DRC9: variants seen among roughly 807,000 people sequenced by gnomAD.
DRC9 encodes the protein dynein regulatory complex subunit 9.
the DRC9 span, among the ~76,000 whole-genome samples, chr3:197,937,481 T>C: frequency 2.6e-5 from 4 of 151,972 alleles, no homozygotes; most frequent in South Asian, 6.2e-4. Context: ...TTTTTTTTTT[T>C]CAAGACAGAG....
chr3:197,920,047 A>AC, the DRC9 span, among the ~76,000 whole-genome samples: 1 of 151,210 alleles, frequency 6.6e-6, no homozygotes. Context: ...TAAAAAAAAA[A>AC]AAAATACAAA....
the DRC9 span, among the ~76,000 whole-genome samples, chr3:197,930,265 T>A: frequency 6.6e-6 from 1 of 151,820 alleles, no homozygotes; most frequent in Non-Finnish European, 1.5e-5. Context: ...GGAGGATTGC[T>A]TGAGCCCAGG....
chr3:197,955,946 TAC>T, the DRC9 span: 1 of 633,746 alleles, frequency 1.6e-6, no homozygotes, highest in Non-Finnish European at 2.8e-6. Flanking sequence ...ACAGGGCGAG[TAC>T]AGAGATTTAG....
chr3:197,892,025 A>G, the DRC9 span, among the ~76,000 whole-genome samples: 1 of 152,090 alleles, frequency 6.6e-6, no homozygotes, highest in Admixed American at 6.6e-5. Flanking sequence ...GAATAGCTGG[A>G]ATTACAGCCA....
chr3:197,955,811 T>C, the DRC9 span: 46 of 1,535,180 alleles, frequency 3.0e-5, no homozygotes, highest in Non-Finnish European at 4.1e-5. Flanking sequence ...GGATTTGTGC[T>C]CTTGTATTTT....
chr3:197,921,275 T>C, the DRC9 span, among the ~76,000 whole-genome samples: 1 of 130,042 alleles, frequency 7.7e-6, no homozygotes, highest in Non-Finnish European at 1.5e-5. Flanking sequence ...TTAACCTGAT[T>C]TCGTCTTGGT....
the DRC9 span, chr3:197,943,699 C>T: frequency 1.7e-6 from 2 of 1,189,422 alleles, no homozygotes; most frequent in East Asian, 2.4e-5. Context: ...AAAATAAGTA[C>T]ATTTAATGGG....
chr3:197,929,755 A>G, the DRC9 span, among the ~76,000 whole-genome samples: 89 of 152,232 alleles, frequency 5.8e-4, no homozygotes, highest in African/African-American at 2.0e-3. The surrounding 1 kb of genome is among the most constrained non-coding windows in gnomAD (Gnocchi z 4.6). Flanking sequence ...TGGGTGACAG[A>G]GTAACATTTG....
chr3:197,947,450 T>C, the DRC9 span, among the ~76,000 whole-genome samples: 27 of 152,184 alleles, frequency 1.8e-4, no homozygotes, highest in Admixed American at 6.5e-5. Flanking sequence ...TAGACCCAAC[T>C]ACAACTGCAC....
chr3:197,906,281 C>T, the DRC9 span: 1 of 152,102 alleles, frequency 6.6e-6, no homozygotes, highest in Admixed American at 6.6e-5. Context: ...ACTGAGACCG[C>T]GCAGGAGGAT....
At chr3:197,948,332 C>T in the DRC9 span, among the ~76,000 whole-genome samples, 3 of 152,318 alleles carry the variant, frequency 2.0e-5, no homozygotes, top group South Asian at 2.1e-4. Context: ...GTGATCCTTT[C>T]GCTGACTCGT....
chr3:197,927,774 G>A, the DRC9 span, among the ~76,000 whole-genome samples: 1 of 152,134 alleles, frequency 6.6e-6, no homozygotes, highest in African/African-American at 2.4e-5. Flanking sequence ...ATACTATGCA[G>A]CCATAAAAAA....
chr3:197,907,442 A>G, the DRC9 span, among the ~76,000 whole-genome samples: 3 of 152,058 alleles, frequency 2.0e-5, no homozygotes, highest in African/African-American at 7.2e-5. Flanking sequence ...TGAAATCCAG[A>G]CTCTCTGGTA....
At chr3:197,910,445 A>C in the DRC9 span, among the ~76,000 whole-genome samples, 20 of 152,218 alleles carry the variant, frequency 1.3e-4, no homozygotes, top group Admixed American at 1.3e-3. Flanking sequence ...GGTATCTCAC[A>C]CTTGAAACAG....
At chr3:197,912,539 G>A in the DRC9 span, 3 of 705,314 alleles carry the variant, frequency 4.3e-6, no homozygotes, top group Non-Finnish European at 7.5e-6. Flanking sequence ...GCATAACCCT[G>A]AAAGAAAACA....
At chr3:197,938,879 TTCTAC>T in the DRC9 span, 1 of 854,722 alleles carries the variant, frequency 1.2e-6, no homozygotes, top group Non-Finnish European at 1.9e-6. Context: ...CTTCTCTGAC[TTCTAC>T]TCTATACTCC....
the DRC9 span, among the ~76,000 whole-genome samples, chr3:197,933,025 A>ATGT: frequency 7.1e-6 from 1 of 141,536 alleles, no homozygotes. Context: ...ATTAATATAA[A>ATGT]ATATTATATA....
At chr3:197,912,955 A>G in the DRC9 span, 3 of 568,008 alleles carry the variant, frequency 5.3e-6, no homozygotes, top group Admixed American at 9.3e-5. Flanking sequence ...CCCTAACGAG[A>G]CGAGCACAAT....
the DRC9 span, among the ~76,000 whole-genome samples, chr3:197,918,117 G>C: frequency 8.3e-6 from 1 of 120,180 alleles, no homozygotes; most frequent in Non-Finnish European, 1.7e-5. Context: ...TTTTTTTTGA[G>C]ACAAGATCTC....
Sources: allele counts gnomAD v4.1 joint callset (sites outside exome capture counted in the v4.1 genomes callset), GRCh38; gene constraint gnomAD v4.1.1; non-coding constraint Gnocchi (gnomAD v3.1); transcripts MANE v1.5; gene names NCBI Gene and HGNC (gene_info 2026-07-23, HGNC 2026-07-21).